Variants in INVS observed in about 807,000 individuals in gnomAD.
The protein encoded by INVS is inversion of embryo turning homolog.
In INVS, 86 loss-of-function variants were observed where a neutral mutation model predicts 108.8. That is an observed-to-expected ratio of 0.79 (90% confidence interval 0.66 to 0.95). INVS has a LOEUF of 0.95. Among genes scored for constraint, INVS ranks in the 40% least tolerant of loss-of-function variants. INVS has a pLI of 0.00. For synonymous variants in INVS, 455 were observed against 473.5 expected, an observed-to-expected ratio of 0.96 and a Z score of 0.51; for missense variants, 1,169 against 1,297.4, an observed-to-expected ratio of 0.90 and a Z score of 1.52.
intron 3 of INVS, among the ~76,000 whole-genome samples, chr9:100,191,723 A>G (rs1433227762): frequency 1.3e-5 from 2 of 152,134 alleles, no homozygotes; most frequent in Non-Finnish European, 2.9e-5. Context: ...CTGGAGAGTT[A>G]GTGTGATCTT....
intron 3 of INVS, among the ~76,000 whole-genome samples, chr9:100,174,912 C>T (rs778033279): frequency 6.6e-6 from 1 of 151,074 alleles, no homozygotes; most frequent in Non-Finnish European, 1.5e-5. Flanking sequence ...ATGCTGTCTC[C>T]GAAAAAAAGA....
chr9:100,254,773 T>G (rs1395706050), intron 10 of INVS, among the ~76,000 whole-genome samples: 2 of 152,194 alleles, frequency 1.3e-5, no homozygotes, highest in Non-Finnish European at 2.9e-5. Flanking sequence ...TCCATTGGTG[T>G]ATATCTCTGT....
intron 3 of INVS, 85 bp downstream of exon 3, chr9:100,126,634 TAAA>T: frequency 7.8e-7 from 1 of 1,287,724 alleles, no homozygotes; most frequent in Non-Finnish European, 1.1e-6. Context: ...GGACAGATAA[TAAA>T]GAAGTCTCAA....
chr9:100,296,883 T>A, intron 14 of INVS, 34 bp from the exon 15 acceptor site: 1 of 1,542,512 alleles, frequency 6.5e-7, no homozygotes. Flanking sequence ...AGTACTGTGA[T>A]CTTAAAGCCT....
intron 3 of INVS, among the ~76,000 whole-genome samples, chr9:100,177,036 G>A (rs949454916): frequency 2.0e-5 from 3 of 151,380 alleles, no homozygotes; most frequent in African/African-American, 7.3e-5. Flanking sequence ...ACATGATGAT[G>A]CCCTAACCAA....
chr9:100,209,587 A>G (rs1225910815), intron 3 of INVS, among the ~76,000 whole-genome samples: 4 of 151,912 alleles, frequency 2.6e-5, no homozygotes, highest in East Asian at 1.9e-4. Context: ...TGGCTAACAC[A>G]GTGAAACCCT....
chr9:100,125,241 T>A (rs1391172109), intron 2 of INVS, among the ~76,000 whole-genome samples: 1 of 152,214 alleles, frequency 6.6e-6, no homozygotes, highest in Non-Finnish European at 1.5e-5. Context: ...CATTGATAGT[T>A]TGACAGGGCT....
intron 1 of INVS, among the ~76,000 whole-genome samples, chr9:100,100,991 T>C (rs1564112532): frequency 1.2e-5 from 1 of 81,852 alleles, no homozygotes; most frequent in Non-Finnish European, 2.1e-5. Flanking sequence ...ATAATATATA[T>C]GTATATATAA....
intron 3 of INVS, among the ~76,000 whole-genome samples, chr9:100,157,997 ATTTC>A (rs1208998494): frequency 2.0e-5 from 3 of 152,150 alleles, no homozygotes; most frequent in African/African-American, 7.2e-5. Context: ...ATCTCTTAGT[ATTTC>A]TTAATGTGGT....
chr9:100,213,072 A>T (rs1325238426), intron 3 of INVS, among the ~76,000 whole-genome samples: 1 of 151,928 alleles, frequency 6.6e-6, no homozygotes, highest in Non-Finnish European at 1.5e-5. Flanking sequence ...GGAGTGAAAG[A>T]GCTCTCTGAG....
chr9:100,128,279 A>G (rs1827949070), intron 3 of INVS, among the ~76,000 whole-genome samples: 1 of 152,218 alleles, frequency 6.6e-6, no homozygotes, highest in Non-Finnish European at 1.5e-5. Context: ...AAGAATAAAT[A>G]GAACTATGAT....
At chr9:100,224,781 A>G (rs888174944) in intron 3 of INVS, among the ~76,000 whole-genome samples, 1 of 151,318 alleles carries the variant, frequency 6.6e-6, no homozygotes, top group African/African-American at 2.4e-5. Context: ...ACGCCTGGCT[A>G]ATTTTTGTAT....
At chr9:100,223,088 T>G (rs141801988) in intron 3 of INVS, among the ~76,000 whole-genome samples, 1 of 151,940 alleles carries the variant, frequency 6.6e-6, no homozygotes, top group East Asian at 1.9e-4. Flanking sequence ...CATTTATTTA[T>G]TTATTTATTT....
At chr9:100,252,509 T>C in intron 9 of INVS, 71 bp downstream of exon 9, 1 of 1,410,746 alleles carries the variant, frequency 7.1e-7, no homozygotes, top group Non-Finnish European at 1.0e-6. Context: ...CTGTTTAAGA[T>C]AAAGCTTTCC....
intron 13 of INVS, among the ~76,000 whole-genome samples, chr9:100,290,388 C>T (rs895917443): frequency 2.0e-5 from 3 of 152,158 alleles, no homozygotes; most frequent in South Asian, 2.1e-4. Context: ...TCGCTCTTGT[C>T]GCCTAGGCTG....
intron 11 of INVS, among the ~76,000 whole-genome samples, chr9:100,267,899 G>A (rs907159606): frequency 2.6e-5 from 4 of 152,190 alleles, no homozygotes; most frequent in Non-Finnish European, 5.9e-5. Flanking sequence ...ATTTGATTAT[G>A]AAGTGGTCCT....
intron 13 of INVS, among the ~76,000 whole-genome samples, chr9:100,289,061 G>A (rs577901962): frequency 1.3e-5 from 2 of 152,076 alleles, no homozygotes; most frequent in African/African-American, 4.8e-5. Flanking sequence ...GCTTACAAAC[G>A]GAGCAGTTTT....
At chr9:100,170,105 G>T (rs1238777166) in intron 3 of INVS, among the ~76,000 whole-genome samples, 1 of 152,184 alleles carries the variant, frequency 6.6e-6, no homozygotes, top group African/African-American at 2.4e-5. Flanking sequence ...GTTATCTAAA[G>T]AACTTGCTTT....
chr9:100,265,805 G>T (rs370829595), intron 11 of INVS, among the ~76,000 whole-genome samples: 1 of 152,178 alleles, frequency 6.6e-6, no homozygotes, highest in Non-Finnish European at 1.5e-5. Context: ...GGCCAGGTGC[G>T]GTGGCTCACG....
Sources: allele counts gnomAD v4.1 joint callset (sites outside exome capture counted in the v4.1 genomes callset), GRCh38; gene constraint gnomAD v4.1.1; transcripts MANE v1.5; gene names NCBI Gene and HGNC (gene_info 2026-07-23, HGNC 2026-07-21).